Variants in SH2D1A observed in about 807,000 individuals in gnomAD.
The protein encoded by SH2D1A is SH2 domain-containing protein 1A.
A neutral mutation model predicts 10.1 loss-of-function variants in SH2D1A; 6 were observed. The ratio of observed to expected loss-of-function variants is 0.60; its 90% CI spans 0.33 to 1.18. The LOEUF (loss-of-function observed/expected upper bound fraction) is 1.18, where lower values mean the gene tolerates loss of function less well. Ranked by LOEUF, SH2D1A falls within the 50% of genes most tolerant of loss-of-function variation. The probability of loss-of-function intolerance (pLI) is 0.04; values close to 1 mark genes in which losing one functional copy is unlikely to be tolerated. For synonymous variants in SH2D1A, 42 were observed against 36.9 expected (o/e 1.14, Z -0.51); for missense variants, 51 against 97.6 (o/e 0.52, Z 2.01).
intron 1 of SH2D1A, among the ~76,000 whole-genome samples, chrX:124,347,995 G>A (rs183737289): frequency 9.0e-6 from 1 of 111,521 alleles, no homozygotes; most frequent in East Asian, 2.8e-4. Context: ...CCCCACAAGA[G>A]TTTGAAATAC....
intron 2 of SH2D1A, among the ~76,000 whole-genome samples, chrX:124,367,029 CTTTG>C (rs112894569): frequency 1.8e-5 from 2 of 110,729 alleles, no homozygotes; most frequent in African/African-American, 6.6e-5. Context: ...GGTTTAACAA[CTTTG>C]TTTTTCAACT....
chrX:124,364,371 G>C (rs1032163620), intron 1 of SH2D1A: 3 of 259,844 alleles, frequency 1.2e-5, no homozygotes, highest in Non-Finnish European at 2.2e-5. Context: ...AGGATATAAA[G>C]AAAAACAGTT....
At chrX:124,358,217 A>G (rs2060030813) in intron 1 of SH2D1A, among the ~76,000 whole-genome samples, 1 of 111,487 alleles carries the variant, frequency 9.0e-6, no homozygotes, top group African/African-American at 3.3e-5. Context: ...TTGAGCAATT[A>G]TTCCTTATTT....
chrX:124,363,124 G>A (rs927487605), intron 1 of SH2D1A, among the ~76,000 whole-genome samples: 1 of 111,693 alleles, frequency 9.0e-6, no homozygotes, highest in Non-Finnish European at 1.9e-5. Context: ...AATACAGCAA[G>A]TAAAACTCTT....
chrX:124,351,542 A>G (rs951246286), intron 1 of SH2D1A, among the ~76,000 whole-genome samples: 1 of 110,901 alleles, frequency 9.0e-6, no homozygotes, highest in Non-Finnish European at 1.9e-5. Context: ...GTAATGCATC[A>G]GTGTCCATTT....
In SH2D1A at chrX:124,373,080, CCTTTTTTTGAAAAAAAG is replaced by C. The variant is rs1339134564; in HGVS notation, c.*1701_*1717del. 6.6e-6 allele frequency: 1 copy of C among 152,337 alleles called. No homozygotes were observed. Among genetic ancestry groups the C allele is most frequent in the African/African-American group, 3.1e-5 (1 of 32,546 alleles). The allele number at this position is 152,337 out of a possible 1,213,427, so 12.6% of individuals were successfully genotyped here. A position where few individuals can be genotyped will look rare whatever the true frequency, so the allele number is the denominator to read the frequency against. ...ATGTTTGCATGTTCACTTCCAAGAG[CCTTTTTTTGAAAAAAAG>C]CTTTTTTTGAATCATCAAGTCTTTC... On this transcript the variant is annotated 3_prime_UTR_variant, in exon 4 of 4. Coordinates refer to ENST00000371139, the MANE Select transcript of SH2D1A (RefSeq NM_002351.5).
chrX:124,371,277 A>T (rs1171949872), intron 3 of SH2D1A, 74 bp from the exon 4 acceptor site: 1 of 714,997 alleles, frequency 1.4e-6, no homozygotes, highest in Non-Finnish European at 2.1e-6. Flanking sequence ...TGGAAATTTT[A>T]TAAGTTTGAG....
In SH2D1A at chrX:124,363,890, CAAAAA is replaced by C. The variant is rs1211666787; in HGVS notation, c.138-1849_138-1845del. 8.0e-3 allele frequency among the ~76,000 whole-genome samples: 266 copies of C among 33,238 alleles called. 1 individual carries two copies. The highest frequency in any genetic ancestry group is 9.8e-3 in the Admixed American group (16 of 1,641). 28.9% of individuals were successfully genotyped at this position (33,238 alleles called of 115,157 possible). On this transcript the variant is annotated intron_variant, in intron 1 of 3. Transcript: ENST00000371139. ...TGGGCAACAGAGCGAGACTCTATCT[CAAAAA>C]AAAAAAAAAAAAAAAAAAAAAGAAA...
chrX:124,368,662 GATTA>G (rs1357598279), intron 2 of SH2D1A, among the ~76,000 whole-genome samples: 1 of 112,421 alleles, frequency 8.9e-6, no homozygotes, highest in Non-Finnish European at 1.9e-5. Flanking sequence ...TGGGCAAGCT[GATTA>G]ATTTCTTTGC....
At chrX:124,361,081 T>TA (rs1451452241) in intron 1 of SH2D1A, among the ~76,000 whole-genome samples, 2 of 111,955 alleles carry the variant, frequency 1.8e-5, no homozygotes, top group African/African-American at 6.5e-5. Context: ...CTTAACTTTT[T>TA]ATCCTCCTAA....
chrX:124,366,757 T>C (rs752662633), intron 2 of SH2D1A, among the ~76,000 whole-genome samples: 1 of 110,946 alleles, frequency 9.0e-6, no homozygotes, highest in Non-Finnish European at 1.9e-5. Context: ...AGTTATACCA[T>C]TTCTAATTGA....
At chrX:124,350,938 G>A (rs1374225686) in intron 1 of SH2D1A, among the ~76,000 whole-genome samples, 2 of 65,205 alleles carry the variant, frequency 3.1e-5, no homozygotes, top group African/African-American at 6.5e-5. Context: ...ATTATATATT[G>A]TATATAAGAT....
intron 1 of SH2D1A, among the ~76,000 whole-genome samples, chrX:124,358,437 T>C (rs753775181): frequency 8.9e-6 from 1 of 112,304 alleles, no homozygotes; most frequent in African/African-American, 3.2e-5. Context: ...GGACAGAGTA[T>C]GTTTTGTTTG....
chrX:124,360,445 TAAAAA>T (rs752399450), intron 1 of SH2D1A, among the ~76,000 whole-genome samples: 346 of 31,972 alleles, frequency 0.011, 5 homozygotes, highest in South Asian at 0.05. Context: ...CTGCAAAAAC[TAAAAA>T]AAAAAAAAAA....
chrX:124,364,761 T>C (rs751423458), intron 1 of SH2D1A, among the ~76,000 whole-genome samples: 1 of 110,900 alleles, frequency 9.0e-6, no homozygotes, highest in South Asian at 3.8e-4. Context: ...ATCTGGGAAA[T>C]ATAAATATTT....
intron 1 of SH2D1A, among the ~76,000 whole-genome samples, chrX:124,354,653 C>T (rs1170685377): frequency 6.3e-5 from 7 of 111,506 alleles, no homozygotes; most frequent in African/African-American, 1.3e-4. Flanking sequence ...AATGAGAGTA[C>T]TTACCTCACA....
intron 2 of SH2D1A, among the ~76,000 whole-genome samples, chrX:124,366,225 T>C (rs149294205): frequency 0.022 from 2,388 of 110,809 alleles, 68 homozygotes; most frequent in African/African-American, 0.074. Flanking sequence ...ACAATATACT[T>C]GGGAAGTTAT....
intron 1 of SH2D1A, among the ~76,000 whole-genome samples, chrX:124,362,861 A>G (rs1189944942): frequency 1.8e-5 from 2 of 110,749 alleles, no homozygotes; most frequent in Non-Finnish European, 3.8e-5. Flanking sequence ...GTGGGGCTCT[A>G]ATCTGATAGG....
intron 2 of SH2D1A, among the ~76,000 whole-genome samples, chrX:124,368,718 G>T (rs1430657689): frequency 1.8e-5 from 2 of 112,385 alleles, no homozygotes; most frequent in Non-Finnish European, 3.8e-5. Context: ...AACTGAATCA[G>T]CCAATAACTG....
Sources: gnomAD v4.1 joint callset for allele counts (sites outside exome capture counted in the v4.1 genomes callset) on GRCh38, gnomAD v4.1.1 for gene constraint, MANE v1.5 for transcripts, NCBI Gene and HGNC (gene_info 2026-07-23, HGNC 2026-07-21) for gene names.